KCTD14: variants seen among roughly 807,000 people sequenced by gnomAD.
KCTD14 encodes BTB/POZ domain-containing protein KCTD14.
A neutral mutation model predicts 5.9 loss-of-function variants in KCTD14; 7 were observed. The observed-to-expected ratio is 1.19, with a 90% CI of 0.68 to 2.23. The LOEUF is 2.23. Ranked by LOEUF, KCTD14 falls within the 30% of genes most tolerant of loss-of-function variation. KCTD14 has a pLI of 0.00. For synonymous variants in KCTD14, 140 were observed against 133.1 expected, an observed-to-expected ratio of 1.05 and a Z score of -0.36; for missense variants, 342 against 332.2, an observed-to-expected ratio of 1.03 and a Z score of -0.23.
intron 2 of KCTD14, among the ~76,000 whole-genome samples, chr11:78,030,026 C>T (rs998225747): frequency 6.6e-6 from 1 of 152,074 alleles, no homozygotes; most frequent in Non-Finnish European, 1.5e-5. Flanking sequence ...CCTCATGATC[C>T]ACCTGCCTCA....
At position 78,017,184 on chromosome 11, in the gene KCTD14, C is replaced by T. The variant is rs1342369864; in HGVS notation, c.177G>A (p.Leu59=). ...GTLRKFPGSK[L]AEMFSSLAKA... ...TGGCTAAGCTAGAGAACATCTCTGC[C>T]AGCTTTGAGCCCGGAAACTTCCTCA... is the stretch of plus-strand genomic sequence containing the variant. The change falls in exon 2 of 2, where the codon CTG becomes CTA. Residue 59 remains leucine, a synonymous_variant. Transcript: ENST00000353172. 1.9e-6 allele frequency: 3 copies of T among 1,613,944 alleles called. No individual in the cohort carries two copies. In the East Asian group the frequency reaches 6.7e-5, roughly 36 times the overall value.
chr11:78,046,049 A>T, intron 1 of KCTD14: 1 of 970,606 alleles, frequency 1.0e-6, no homozygotes, highest in Non-Finnish European at 1.2e-6. Context: ...CTTAGACACA[A>T]GCTGGAATTA....
chr11:78,028,406 C>T (rs1857523833), intron 2 of KCTD14, among the ~76,000 whole-genome samples: 2 of 152,012 alleles, frequency 1.3e-5, no homozygotes, highest in South Asian at 2.1e-4. Context: ...AGTTCAATAC[C>T]AGCCTGGCCA....
At chr11:78,029,840 A>G (rs1432800949) in intron 2 of KCTD14, among the ~76,000 whole-genome samples, 1 of 147,376 alleles carries the variant, frequency 6.8e-6, no homozygotes, top group African/African-American at 2.5e-5. Context: ...GGAGTGCAGT[A>G]GCGCAATCTC....
chr11:78,028,021 A>G (rs985897552), upstream of KCTD14, among the ~76,000 whole-genome samples: 3 of 152,068 alleles, frequency 2.0e-5, no homozygotes, highest in Admixed American at 2.0e-4. Context: ...CATGGCCTGA[A>G]CTAGTTTTTC....
In KCTD14 at chr11:78,017,217, C is replaced by A; in HGVS notation, c.144G>T (p.Leu48=). The stretch of plus-strand genomic sequence containing the variant: ...AGCCCGGAAACTTCCTCAGGGTACC[C>A]AGGGTGGTGGTGTGGAACTCACCCC... ...NVGGEFHTTT[L]GTLRKFPGSK... The change falls in exon 2 of 2, where the codon CTG becomes CTT. Residue 48 remains leucine, a synonymous_variant. Transcript: ENST00000353172. The A allele has an allele frequency of 6.2e-7, 1 of 1,612,446 alleles. No individual in the cohort carries two copies. Among genetic ancestry groups the A allele is most frequent in the Non-Finnish European group, 8.5e-7 (1 of 1,178,658 alleles).
intron 2 of KCTD14, among the ~76,000 whole-genome samples, chr11:78,037,712 G>C (rs1164221485): frequency 6.6e-6 from 1 of 151,972 alleles, no homozygotes; most frequent in East Asian, 1.9e-4. Context: ...CCAGCTGCTC[G>C]GGAGGCTGAG....
At chr11:78,023,060 C>A (rs572733069) in intron 1 of KCTD14, 100 bp downstream of exon 1, 6 of 788,856 alleles carry the variant, frequency 7.6e-6, no homozygotes, top group Non-Finnish European at 1.2e-5. Context: ...GGGGCTCGGG[C>A]GTCTGGGAGG....
chr11:78,032,307 GC>G (rs1012961089), intron 2 of KCTD14, among the ~76,000 whole-genome samples: 4 of 152,366 alleles, frequency 2.6e-5, no homozygotes, highest in African/African-American at 9.6e-5. Context: ...AGAACAGAGA[GC>G]CTGGCTGGAA....
intron 1 of KCTD14, among the ~76,000 whole-genome samples, chr11:78,041,364 C>CT (rs1421442014): frequency 6.6e-6 from 1 of 152,184 alleles, no homozygotes; most frequent in African/African-American, 2.4e-5. Flanking sequence ...CTAAGAATCC[C>CT]TAAGCCTAGC....
At chr11:78,034,497 T>A (rs1167576248) in intron 2 of KCTD14, among the ~76,000 whole-genome samples, 1 of 152,010 alleles carries the variant, frequency 6.6e-6, no homozygotes, top group Non-Finnish European at 1.5e-5. Context: ...CCTCTCTCTG[T>A]TTTTCACCCA....
intron 2 of KCTD14, among the ~76,000 whole-genome samples, chr11:78,036,863 C>A (rs1275520774): frequency 6.6e-6 from 1 of 152,158 alleles, no homozygotes; most frequent in Non-Finnish European, 1.5e-5. Flanking sequence ...CCGGATAAAT[C>A]GCTGCTAAGT....
At chr11:78,038,829 G>A (rs142200573) in intron 1 of KCTD14, 2 of 1,513,170 alleles carry the variant, frequency 1.3e-6, no homozygotes, top group African/African-American at 2.8e-5. Flanking sequence ...AGTTCAGAGG[G>A]CCCAGGCCAG....
chr11:78,017,216 C>G lies in KCTD14; in HGVS notation c.145G>C (p.Gly49Arg), dbSNP rs893585828. The change falls in exon 2 of 2, where the codon GGT (glycine) becomes CGT (arginine). Residue 49 changes from glycine (G) to arginine (R), a missense_variant. Transcript: ENST00000353172. ...VGGEFHTTTLGTLRKFPGSKL... is the reference protein window; with the variant it reads ...VGGEFHTTTLRTLRKFPGSKL... ...GAGCCCGGAAACTTCCTCAGGGTAC[C>G]CAGGGTGGTGGTGTGGAACTCACCC... 3 of 1,612,384 alleles carry G rather than the reference C, an allele frequency of 1.9e-6. No homozygotes were observed. The highest frequency in any genetic ancestry group is 2.5e-6 in the Non-Finnish European group (3 of 1,178,742).
At chr11:78,031,362 T>C (rs1857609510) in intron 2 of KCTD14, among the ~76,000 whole-genome samples, 2 of 151,906 alleles carry the variant, frequency 1.3e-5, no homozygotes, top group Admixed American at 6.6e-5. Context: ...TTTTTATTTA[T>C]TTGTTTATTT....
intron 2 of KCTD14, chr11:78,038,570 C>A (rs1181939898): frequency 7.0e-7 from 1 of 1,426,866 alleles, no homozygotes; most frequent in South Asian, 1.3e-5. Context: ...AGCCCAAGTG[C>A]GTAGGCCCCA....
At chr11:78,020,110 A>C (rs759047375) in intron 1 of KCTD14, among the ~76,000 whole-genome samples, 2 of 152,126 alleles carry the variant, frequency 1.3e-5, no homozygotes, top group Non-Finnish European at 2.9e-5. Context: ...GCTGAGAGGG[A>C]AGACTGAAAG....
Position 78,016,362 on chromosome 11 carries a change from G to T in KCTD14, c.*231C>A, listed in dbSNP as rs1361075280. 4 of 575,276 alleles carry T rather than the reference G, an allele frequency of 7.0e-6. No individual in the cohort carries two copies. The African/African-American group carries it at 7.5e-5, about 11-fold the overall frequency. The allele number at this position is 575,276 out of a possible 1,614,324, so 35.6% of individuals were successfully genotyped here. ...TGGACTTCAAGAGAAGGGTCTGGGA[G>T]ATACATGAGGCTTTGAAAAGGAAGT... On this transcript the variant is annotated 3_prime_UTR_variant, in exon 2 of 2. Transcript: ENST00000353172.
intron 1 of KCTD14, among the ~76,000 whole-genome samples, chr11:78,039,068 CAAAAAAAA>C (rs34453594): frequency 1.7e-5 from 2 of 114,764 alleles, no homozygotes; most frequent in Non-Finnish European, 3.5e-5. Context: ...CTTTAGATTA[CAAAAAAAA>C]AAAAAAAAAC....
Sources: allele counts gnomAD v4.1 joint callset (sites outside exome capture counted in the v4.1 genomes callset), GRCh38; gene constraint gnomAD v4.1.1; transcripts MANE v1.5; gene names NCBI Gene and HGNC (gene_info 2026-07-23, HGNC 2026-07-21).